Variants in WWOX observed in about 807,000 individuals in gnomAD.
WWOX encodes WW domain containing oxidoreductase, also known as WW domain-containing oxidoreductase.
In WWOX, 69 loss-of-function variants were observed where a neutral mutation model predicts 46.2. That is an observed-to-expected ratio of 1.49 (90% CI 1.23 to 1.82). The LOEUF (loss-of-function observed/expected upper bound fraction) is 1.82. WWOX is among the 40% of genes most tolerant of loss of function. WWOX has a pLI of 0.00. For synonymous variants in WWOX, 359 were observed against 202.6 expected (o/e 1.77, Z -6.56); for missense variants, 919 against 542.6 (o/e 1.69, Z -6.89).
intron 8 of WWOX, among the ~76,000 whole-genome samples, chr16:78,995,022 T>C (rs560485607): frequency 2.7e-5 from 4 of 147,094 alleles, no homozygotes; most frequent in African/African-American, 7.5e-5. Flanking sequence ...TTTCCCATTA[T>C]GCACAATGCG....
intron 8 of WWOX, among the ~76,000 whole-genome samples, chr16:78,563,404 A>C (rs2044485354): frequency 6.6e-6 from 1 of 151,784 alleles, no homozygotes; most frequent in South Asian, 2.1e-4. Flanking sequence ...ACTGACAGGT[A>C]TTGAAGCCAA....
At chr16:79,168,848 TG>T (rs1160004781) in intron 8 of WWOX, among the ~76,000 whole-genome samples, 1 of 152,208 alleles carries the variant, frequency 6.6e-6, no homozygotes, top group Non-Finnish European at 1.5e-5. Flanking sequence ...CTCCATCAGC[TG>T]TGGCCTCGAG....
intron 8 of WWOX, among the ~76,000 whole-genome samples, chr16:78,815,063 G>C (rs1262579603): frequency 6.6e-6 from 1 of 152,186 alleles, no homozygotes; most frequent in South Asian, 2.1e-4. Flanking sequence ...AGTGGCTCAC[G>C]CCTGTAATCC....
chr16:78,115,089 A>T lies in WWOX; in HGVS notation c.344A>T (p.Glu115Val). 6.2e-7 allele frequency: 1 copy of T among 1,614,188 alleles called. No homozygotes were observed. Among genetic ancestry groups the T allele is most frequent in the Non-Finnish European group, 8.5e-7 (1 of 1,180,030 alleles). The change falls in exon 4 of 9, where the codon GAA becomes GTA. Residue 115 changes from glutamate to valine, a missense_variant. Transcript: ENST00000566780. ...TACGACGGCAGCACCACTGCCATGG[A>T]AATTCTCCAGGGCCGGGATTTCACT... is the stretch of plus-strand genomic sequence containing the variant. The part of the protein sequence containing the change: ...QRYDGSTTAM[E>V]ILQGRDFTGK...
chr16:78,793,196 C>A (rs1178455071), intron 8 of WWOX, among the ~76,000 whole-genome samples: 1 of 152,136 alleles, frequency 6.6e-6, no homozygotes, highest in Non-Finnish European at 1.5e-5. Flanking sequence ...CCTCAGCCTC[C>A]CAAGTAACTG....
At position 78,834,231 on chromosome 16, in the gene WWOX, C is replaced by T. The variant is rs906271999; in HGVS notation, c.1057-377377C>T. ...TTGTGCCGAACAGGGCCCGTGTGTTCTGATAGCAAACATGGAGAGGCCCAA... is the reference window on the plus strand; with the variant it reads ...TTGTGCCGAACAGGGCCCGTGTGTTTTGATAGCAAACATGGAGAGGCCCAA... On this transcript the variant is annotated intron_variant, in intron 8 of 8. Transcript: ENST00000566780. Among the ~76,000 whole-genome samples the T allele has an allele frequency of 8.5e-5, 13 of 152,256 alleles. No homozygotes were observed. The East Asian group carries it at 9.7e-4, about 11-fold the overall frequency.
rs975130699 is a variant in WWOX at position 78,229,535 on chromosome 16, A to C, written c.516+65246A>C. Among the ~76,000 whole-genome samples, 3 of 128,552 alleles carry C rather than the reference A, an allele frequency of 2.3e-5. No individual in the cohort carries two copies. In the East Asian group the frequency reaches 7.3e-4, roughly 31 times the overall value. The allele number at this position is 128,552 out of a possible 152,430, so 84.3% of individuals were successfully genotyped here. A position where few individuals can be genotyped will look rare whatever the true frequency, so the allele number is the denominator to read the frequency against. On this transcript the variant is annotated intron_variant, in intron 5 of 8. Transcript: ENST00000566780. ...ATAGAGATATATATATATATATAAA[A>C]TAATGAATGAAATGGACTGTTTGCA...
At chr16:78,424,140 T>TA (rs2083021434) in intron 6 of WWOX, among the ~76,000 whole-genome samples, 1 of 141,828 alleles carries the variant, frequency 7.1e-6, no homozygotes, top group African/African-American at 2.7e-5. Flanking sequence ...TTTTTGGAGA[T>TA]AGAGTCTTGC....
chr16:78,752,502 A>G (rs1429099966), intron 8 of WWOX, among the ~76,000 whole-genome samples: 6 of 152,126 alleles, frequency 3.9e-5, no homozygotes, highest in Non-Finnish European at 8.8e-5. Context: ...TGGCCAGGCT[A>G]GTTTCTAACT....
Position 79,098,505 on chromosome 16 carries a change from C to G in WWOX, c.1057-113103C>G, listed in dbSNP as rs567051095. On this transcript the variant is annotated intron_variant, in intron 8 of 8. Transcript: ENST00000566780. ...GTCATTGGAATCTTCTTCACCCCTT[C>G]CCTGGTACTGATGGTTGCATTTCAA... Among the ~76,000 whole-genome samples, 135 of 152,370 alleles carry G rather than the reference C, an allele frequency of 8.9e-4. 1 individual carries two copies. The highest frequency in any genetic ancestry group is 3.1e-3 in the African/African-American group (129 of 41,582).
At position 78,254,148 on chromosome 16, in the gene WWOX, G is replaced by A. The variant is rs183346738; in HGVS notation, c.516+89859G>A. Among the ~76,000 whole-genome samples, 1,382 of 151,890 alleles carry A rather than the reference G, an allele frequency of 9.1e-3. 14 individuals are homozygous for A. Among genetic ancestry groups the A allele is most frequent in the Non-Finnish European group, 0.013 (905 of 67,980 alleles). On this transcript the variant is annotated intron_variant, in intron 5 of 8. Transcript: ENST00000566780. ...TGCAGTGGCGTGATCATGGCTCACT[G>A]CAGTCTTAACCTCCCAGGCTCAAGC... is the stretch of plus-strand genomic sequence containing the variant.
At chr16:78,326,091 T>C (rs772604731) in intron 5 of WWOX, among the ~76,000 whole-genome samples, 37 of 152,132 alleles carry the variant, frequency 2.4e-4, no homozygotes, top group Admixed American at 1.3e-4. Context: ...GCCTCTAAAC[T>C]CTTGAGCTCC....
intron 8 of WWOX, among the ~76,000 whole-genome samples, chr16:78,486,581 T>C (rs1466119904): frequency 6.6e-6 from 1 of 151,666 alleles, no homozygotes; most frequent in Non-Finnish European, 1.5e-5. Context: ...TTTTGTTTTG[T>C]TTTGTTTTGT....
intron 8 of WWOX, among the ~76,000 whole-genome samples, chr16:79,024,470 G>A (rs540316217): frequency 6.6e-6 from 1 of 151,952 alleles, no homozygotes; most frequent in South Asian, 2.1e-4. Flanking sequence ...GTTTTGCTCT[G>A]TTGCCCAGGC....
intron 8 of WWOX, among the ~76,000 whole-genome samples, chr16:79,108,439 A>C (rs1022369485): frequency 6.6e-6 from 1 of 152,204 alleles, no homozygotes; most frequent in East Asian, 1.9e-4. Context: ...AAGGGGAGAA[A>C]AAGGTATGGG....
chr16:78,753,288 C>T (rs1363756628), intron 8 of WWOX, among the ~76,000 whole-genome samples: 1 of 151,554 alleles, frequency 6.6e-6, no homozygotes, highest in Non-Finnish European at 1.5e-5. Context: ...CGACAGACTC[C>T]AGCCTGAGCG....
chr16:78,324,431 C>G (rs926004835), intron 5 of WWOX, among the ~76,000 whole-genome samples: 1 of 152,004 alleles, frequency 6.6e-6, no homozygotes, highest in South Asian at 2.1e-4. Flanking sequence ...CAATTCCACT[C>G]CTAGGTACGT....
intron 5 of WWOX, among the ~76,000 whole-genome samples, chr16:78,300,948 C>T (rs1597457059): frequency 6.6e-6 from 1 of 152,074 alleles, no homozygotes; most frequent in East Asian, 1.9e-4. Flanking sequence ...ATCCATCCAA[C>T]TACCCACTTA....
chr16:78,883,578 C>A (rs777852657), intron 8 of WWOX, among the ~76,000 whole-genome samples: 37 of 151,924 alleles, frequency 2.4e-4, no homozygotes, highest in Non-Finnish European at 4.7e-4. Flanking sequence ...ACAAAAATTA[C>A]CTGAGTGTGG....
Sources: allele counts gnomAD v4.1 joint callset (sites outside exome capture counted in the v4.1 genomes callset), GRCh38; gene constraint gnomAD v4.1.1; transcripts MANE v1.5; gene names NCBI Gene and HGNC (gene_info 2026-07-23, HGNC 2026-07-21).